SLC2A14: variants seen among roughly 807,000 people sequenced by gnomAD.
SLC2A14 encodes the protein solute carrier family 2, facilitated glucose transporter member 14.
A neutral mutation model predicts 43.0 loss-of-function variants in SLC2A14; 13 were observed. The observed-to-expected ratio is 0.30, with a 90% CI of 0.20 to 0.48. The LOEUF (loss-of-function observed/expected upper bound fraction) is 0.48. SLC2A14 is among the 20% of genes least tolerant of loss of function. The pLI, the probability that SLC2A14 is intolerant of heterozygous loss-of-function variation, is 0.99. For synonymous variants in SLC2A14, 190 were observed against 233.8 expected (o/e 0.81, Z 1.71); for missense variants, 428 against 620.4 (o/e 0.69, Z 3.29).
chr12:7,877,287 C>G (rs1242002106), upstream of SLC2A14, among the ~76,000 whole-genome samples: 1 of 151,984 alleles, frequency 6.6e-6, no homozygotes, highest in Non-Finnish European at 1.5e-5. Context: ...CGTGAGCCAC[C>G]ATGTCTGGCC....
rs1264168830 is a variant in SLC2A14, at chr12:7,818,013, A to C, written c.1093T>G (p.Phe365Val). 3.1e-6 allele frequency: 5 copies of C among 1,613,976 alleles called. No individual in the cohort carries two copies. In the African/African-American group the frequency reaches 6.7e-5, roughly 22 times the overall value. ...LLKNHYNGMS[F>V]VCIGAILVFV... Reference sequence around the variant, plus strand: ...ACCAAGATAGCCCCAATACAGACAAAGCTCATCCCATTATAGTGATTCTGT... The same window carrying C: ...ACCAAGATAGCCCCAATACAGACAACGCTCATCCCATTATAGTGATTCTGT... The change falls in exon 10 of 11, where the codon TTT becomes GTT. Residue 365 changes from phenylalanine (F) to valine (V), a missense_variant. This residue lies in a region of SLC2A14 where 119 missense variants were observed against 188.7 expected (regional missense o/e 0.63). Coordinates refer to ENST00000431042, the MANE Select transcript of SLC2A14 (RefSeq NM_001286234.2).
chr12:7,877,250 G>A (rs755460655), upstream of SLC2A14, among the ~76,000 whole-genome samples: 12 of 151,820 alleles, frequency 7.9e-5, no homozygotes, highest in Non-Finnish European at 1.5e-4. Context: ...CACCCGCCTC[G>A]GCCTCCCAAA....
intron 2 of SLC2A14, chr12:7,863,282 C>G: frequency 4.8e-6 from 2 of 419,874 alleles, no homozygotes; most frequent in South Asian, 1.7e-5. Flanking sequence ...AGACCACGAA[C>G]CCACCAGAAG....
chr12:7,884,595 G>A (rs1195403964), intron 1 of SLC2A14, among the ~76,000 whole-genome samples: 2 of 152,066 alleles, frequency 1.3e-5, no homozygotes, highest in Non-Finnish European at 2.9e-5. Context: ...CAACAGCTAA[G>A]GTCGAGATAA....
At chr12:7,820,908 G>A (rs1212013681) in intron 8 of SLC2A14, among the ~76,000 whole-genome samples, 6 of 152,012 alleles carry the variant, frequency 3.9e-5, no homozygotes, top group Non-Finnish European at 5.9e-5. Flanking sequence ...CCAACATGGC[G>A]AAACCCCGTC....
At chr12:7,826,861 T>TCTTTCTTTTCTTTCTTTC in intron 7 of SLC2A14, among the ~76,000 whole-genome samples, 1 of 60,330 alleles carries the variant, frequency 1.7e-5, no homozygotes, top group South Asian at 6.4e-4. Flanking sequence ...TTCCTTTCTT[T>TCTTTCTTTTCTTTCTTTC]TTTCTTTCTT....
intron 1 of SLC2A14, among the ~76,000 whole-genome samples, chr12:7,886,882 C>A (rs568767604): frequency 1.8e-4 from 27 of 151,616 alleles, no homozygotes; most frequent in Non-Finnish European, 4.0e-4. Context: ...CTCATTTATG[C>A]CCATTCCTTC....
chr12:7,871,216 G>A (rs1945213576), intron 1 of SLC2A14: 1 of 1,249,888 alleles, frequency 8.0e-7, no homozygotes. Context: ...CATTCATGAG[G>A]ACCACCTCCA....
chr12:7,844,010 G>A (rs376325769), intron 2 of SLC2A14, among the ~76,000 whole-genome samples: 24 of 151,896 alleles, frequency 1.6e-4, no homozygotes, highest in African/African-American at 5.5e-4. Flanking sequence ...ATGCAATAAA[G>A]CAGATAAAAA....
intron 1 of SLC2A14, chr12:7,871,173 CT>C: frequency 7.9e-7 from 1 of 1,259,770 alleles, no homozygotes; most frequent in Non-Finnish European, 1.0e-6. Context: ...TCCAAAACGC[CT>C]TCACCTGCTT....
At chr12:7,833,678 G>C (rs1183248302) in intron 2 of SLC2A14, among the ~76,000 whole-genome samples, 1 of 151,962 alleles carries the variant, frequency 6.6e-6, no homozygotes, top group Non-Finnish European at 1.5e-5. Context: ...CTACTAGGAG[G>C]GGCTGAAGCA....
chr12:7,862,877 G>A (rs962778021), intron 2 of SLC2A14, among the ~76,000 whole-genome samples: 4 of 152,186 alleles, frequency 2.6e-5, no homozygotes, highest in Admixed American at 6.5e-5. Context: ...ATGGGCACGT[G>A]GAGAACATTT....
rs1035163666 is a variant in SLC2A14 at position 7,812,815 on chromosome 12, C to A, written c.*1501G>T. On this transcript the variant is annotated 3_prime_UTR_variant, in exon 11 of 11. Transcript: ENST00000431042. ...GGCTAAAGGGTCTGAGATGTGTAAG[C>A]ACCAAGAAGGGAAAGGGAGACTGAG... 2 of 152,054 alleles carry A rather than the reference C, an allele frequency of 1.3e-5. No individual in the cohort carries two copies. The highest frequency in any genetic ancestry group is 4.8e-5 in the African/African-American group (2 of 41,392). 9.4% of individuals were successfully genotyped at this position (152,054 alleles called of 1,614,324 possible).
At chr12:7,872,091 A>G in intron 1 of SLC2A14, 1 of 182,842 alleles carries the variant, frequency 5.5e-6, no homozygotes, top group African/African-American at 2.4e-5. Context: ...ACTGGGACAA[A>G]ACTAATAACA....
At chr12:7,839,589 T>A (rs915216549) in intron 2 of SLC2A14, 4 of 276,666 alleles carry the variant, frequency 1.4e-5, no homozygotes, top group Non-Finnish European at 2.9e-5. Flanking sequence ...TTGATTCGTG[T>A]TTTTAAAAAA....
At chr12:7,839,238 G>C (rs997223434) in intron 2 of SLC2A14, among the ~76,000 whole-genome samples, 1 of 142,518 alleles carries the variant, frequency 7.0e-6, no homozygotes, top group Non-Finnish European at 1.5e-5. Flanking sequence ...GAGTGGTTAG[G>C]GTTCCTCTCT....
intron 2 of SLC2A14, among the ~76,000 whole-genome samples, chr12:7,862,172 C>G (rs1277686787): frequency 7.5e-6 from 1 of 133,210 alleles, no homozygotes; most frequent in Non-Finnish European, 1.6e-5. Flanking sequence ...GCTGAGGCAG[C>G]AGAATTGCTT....
At chr12:7,866,607 C>G (rs140075886) in intron 2 of SLC2A14, among the ~76,000 whole-genome samples, 4 of 152,158 alleles carry the variant, frequency 2.6e-5, no homozygotes, top group Admixed American at 6.5e-5. Flanking sequence ...CTCAGGTGAT[C>G]CACCCGCCTC....
intron 2 of SLC2A14, among the ~76,000 whole-genome samples, chr12:7,847,822 G>A (rs1866589081): frequency 6.6e-6 from 1 of 152,136 alleles, no homozygotes; most frequent in Admixed American, 6.6e-5. Flanking sequence ...AATAAAAGAC[G>A]AAGGTAAAAA....
Sources: allele counts gnomAD v4.1 joint callset (sites outside exome capture counted in the v4.1 genomes callset), GRCh38; gene constraint gnomAD v4.1.1; regional missense constraint gnomAD v4.1.1; transcripts MANE v1.5; gene names NCBI Gene and HGNC (gene_info 2026-07-23, HGNC 2026-07-21).